Variants in DNAJC10 observed in about 807,000 individuals in gnomAD.
DNAJC10 encodes endoplasmic reticulum disulfide reductase DNAJC10.
DNAJC10 carries 101 observed loss-of-function variants against 115.0 expected under a neutral mutation model. The observed-to-expected ratio is 0.88, with a 90% CI of 0.75 to 1.04. The LOEUF (loss-of-function observed/expected upper bound fraction) is 1.04, where lower values mean the gene tolerates loss of function less well. DNAJC10 is among the 50% of genes least tolerant of loss of function. The pLI is 0.00. For synonymous variants in DNAJC10, 307 were observed against 301.5 expected (o/e 1.02, Z -0.19); for missense variants, 981 against 928.8 (o/e 1.06, Z -0.73).
At chr2:182,730,997 A>G in intron 8 of DNAJC10, 33 bp from the exon 9 acceptor site, 1 of 1,485,934 alleles carries the variant, frequency 6.7e-7, no homozygotes, top group South Asian at 1.2e-5. Context: ...GTAATAGGTG[A>G]TCAGAATTTG....
At chr2:182,724,615 GA>G (rs1162395653) in intron 5 of DNAJC10, among the ~76,000 whole-genome samples, 3 of 152,086 alleles carry the variant, frequency 2.0e-5, no homozygotes, top group Non-Finnish European at 4.4e-5. Context: ...GACCTGTGGG[GA>G]AAAAGTTAAT....
At chr2:182,731,717 C>T (rs1367911582) in intron 9 of DNAJC10, among the ~76,000 whole-genome samples, 1 of 152,168 alleles carries the variant, frequency 6.6e-6, no homozygotes, top group Non-Finnish European at 1.5e-5. Flanking sequence ...AGTCTTCTCC[C>T]CACATTTCAT....
chr2:182,771,928 A>G (rs1381426510), intron 22 of DNAJC10, among the ~76,000 whole-genome samples: 1 of 152,082 alleles, frequency 6.6e-6, no homozygotes, highest in Non-Finnish European at 1.5e-5. Context: ...TCAATTTTAG[A>G]TCTTTCCTCA....
At position 182,788,708 on chromosome 2, in the gene DNAJC10, T is replaced by TA; in HGVS notation, c.*11576_*11577insA. 2.4e-6 allele frequency: 1 copy of TA among 421,628 alleles called. No individual in the cohort carries two copies. Among genetic ancestry groups the TA allele is most frequent in the Admixed American group, 2.9e-5 (1 of 34,196 alleles). 26.1% of individuals were successfully genotyped at this position (421,628 alleles called of 1,614,324 possible). A position where few individuals can be genotyped will look rare whatever the true frequency, so the allele number is the denominator to read the frequency against. On this transcript the variant is annotated 3_prime_UTR_variant, in exon 24 of 24. Coordinates refer to ENST00000264065, the MANE Select transcript of DNAJC10 (RefSeq NM_018981.4). ...ATCCCACAGCACAAGTAACGTCTAT[T>TA]TATCTCAGAGGAAATCCAGGGAAGT...
At chr2:182,766,214 C>T (rs1181897498) in intron 22 of DNAJC10, among the ~76,000 whole-genome samples, 1 of 152,118 alleles carries the variant, frequency 6.6e-6, no homozygotes, top group Non-Finnish European at 1.5e-5. Flanking sequence ...TGAAAAAAAT[C>T]ATGATCAGCT....
chr2:182,728,268 A>G lies in DNAJC10; in HGVS notation c.419-308A>G, dbSNP rs535246054. On this transcript the variant is annotated intron_variant, in intron 5 of 23. Transcript: ENST00000264065. ...ATTTCTTGTGCCGTCACTTTTTACA[A>G]CTTTATGGCCATATTTATCTTGCAG... 1.6e-3 allele frequency among the ~76,000 whole-genome samples: 247 copies of G among 152,068 alleles called. 1 individual carries two copies. Among genetic ancestry groups the G allele is most frequent in the Non-Finnish European group, 3.1e-3 (211 of 67,970 alleles).
At chr2:182,745,169 C>T (rs769189910) in intron 14 of DNAJC10, among the ~76,000 whole-genome samples, 5 of 152,212 alleles carry the variant, frequency 3.3e-5, no homozygotes, top group Non-Finnish European at 7.3e-5. Flanking sequence ...GCTCACTGCT[C>T]TATCTCCAGC....
chr2:182,719,304 G>A (rs1349009413), intron 3 of DNAJC10, among the ~76,000 whole-genome samples: 3 of 138,028 alleles, frequency 2.2e-5, no homozygotes. Context: ...TGCCCAGACT[G>A]GAGTGCAGTG....
intron 16 of DNAJC10, among the ~76,000 whole-genome samples, chr2:182,753,828 C>T (rs535458839): frequency 6.6e-6 from 1 of 152,198 alleles, no homozygotes; most frequent in Admixed American, 6.5e-5. Flanking sequence ...GTGATCCTCC[C>T]ACCTCGGCCT....
At chr2:182,739,074 T>C (rs1693660951) in intron 11 of DNAJC10, among the ~76,000 whole-genome samples, 2 of 151,442 alleles carry the variant, frequency 1.3e-5, no homozygotes, top group Non-Finnish European at 1.5e-5. Context: ...GTGAATAAGA[T>C]GTAGAACTGA....
rs1006768872 is a variant in DNAJC10 at position 182,785,472 on chromosome 2, T to C, written c.*8340T>C. 6.6e-6 allele frequency: 1 copy of C among 152,144 alleles called. No homozygotes were observed. The highest frequency in any genetic ancestry group is 1.5e-5 in the Non-Finnish European group (1 of 68,006). 9.4% of individuals were successfully genotyped at this position (152,144 alleles called of 1,614,324 possible). On this transcript the variant is annotated 3_prime_UTR_variant, in exon 24 of 24. Coordinates refer to ENST00000264065, the MANE Select transcript of DNAJC10 (RefSeq NM_018981.4). ...GAGTTTGGAAAAATTGCTTACTTCA[T>C]ATCTGTATCCTAATTATCCTAATTA... is the stretch of plus-strand genomic sequence containing the variant.
rs764589408 is a variant in DNAJC10 at position 182,736,296 on chromosome 2, C to T, written c.897C>T (p.Asn299=). The part of the protein sequence containing the change: ...VGWMDCATQD[N]LCKSLDITTS... ...GGATGGACTGTGCCACCCAGGATAACCTTTGTAAAAGCTTAGATATTACAA... is the reference window on the plus strand; with the variant it reads ...GGATGGACTGTGCCACCCAGGATAATCTTTGTAAAAGCTTAGATATTACAA... Residue 299 remains asparagine (N), a synonymous_variant, in exon 11 of 24, where the codon AAC becomes AAT. Transcript: ENST00000264065. 1.2e-5 allele frequency: 19 copies of T among 1,594,076 alleles called. No homozygotes were observed. Among genetic ancestry groups the T allele is most frequent in the Non-Finnish European group, 1.5e-5 (18 of 1,172,770 alleles).
chr2:182,755,745 A>G (rs973726044), intron 17 of DNAJC10, among the ~76,000 whole-genome samples: 1 of 152,190 alleles, frequency 6.6e-6, no homozygotes, highest in Admixed American at 6.5e-5. Flanking sequence ...TAGGCTTTCC[A>G]CTAGTAATTA....
chr2:182,749,981 G>A (rs1693974561), intron 14 of DNAJC10, among the ~76,000 whole-genome samples: 1 of 152,180 alleles, frequency 6.6e-6, no homozygotes, highest in Non-Finnish European at 1.5e-5. Context: ...CTCACTGGCT[G>A]TTGGCAGAGG....
At position 182,784,497 on chromosome 2, in the gene DNAJC10, AGTGT is replaced by A; in HGVS notation, c.*7368_*7371del. 1 of 152,282 alleles carries A rather than the reference AGTGT, an allele frequency of 6.6e-6. No individual in the cohort carries two copies. Among genetic ancestry groups the A allele is most frequent in the East Asian group, 1.9e-4 (1 of 5,184 alleles). The allele number at this position is 152,282 out of a possible 1,614,324, so 9.4% of individuals were successfully genotyped here. On this transcript the variant is annotated 3_prime_UTR_variant, in exon 24 of 24. Transcript: ENST00000264065. ...GCACATTGTTGACCCGTAGAAGCACAGTGTGTATTTCAATTGACAAACAGCCAGA... is the reference window on the plus strand; with the variant it reads ...GCACATTGTTGACCCGTAGAAGCACAGTATTTCAATTGACAAACAGCCAGA...
intron 3 of DNAJC10, among the ~76,000 whole-genome samples, chr2:182,719,571 T>C (rs1244072980): frequency 6.6e-6 from 1 of 152,064 alleles, no homozygotes. Flanking sequence ...TGTAATTAGC[T>C]GATAGATTGG....
In DNAJC10 at chr2:182,752,582, A is replaced by G. The variant is rs959123218; in HGVS notation, c.1551+394A>G. The G allele has an allele frequency of 6.4e-6, 6 of 944,592 alleles. No individual in the cohort carries two copies. In the African/African-American group the frequency reaches 1.1e-4, roughly 17 times the overall value. The allele number at this position is 944,592 out of a possible 1,614,324, so 58.5% of individuals were successfully genotyped here. On this transcript the variant is annotated intron_variant, in intron 16 of 23. Coordinates refer to ENST00000264065, the MANE Select transcript of DNAJC10 (RefSeq NM_018981.4). The stretch of plus-strand genomic sequence containing the variant: ...CTGGAAAGAAGTTAAAACAATGAAC[A>G]AGCCTTTTGAAATCTTTGTTTAAAT...
rs1695088115 is a variant in DNAJC10 at position 182,793,464 on chromosome 2, A to G, written c.*16332A>G. ...GTGAAGAACAATTCATCCATCAGGCAGCACTGAGAACCAGAAGACATTCAG... is the reference window on the plus strand; with the variant it reads ...GTGAAGAACAATTCATCCATCAGGCGGCACTGAGAACCAGAAGACATTCAG... On this transcript the variant is annotated 3_prime_UTR_variant, in exon 24 of 24. Coordinates refer to ENST00000264065, the MANE Select transcript of DNAJC10 (RefSeq NM_018981.4). 1 of 152,190 alleles carries G rather than the reference A, an allele frequency of 6.6e-6. No homozygotes were observed. 9.4% of individuals were successfully genotyped at this position (152,190 alleles called of 1,614,324 possible).
In DNAJC10 at chr2:182,751,711, C is replaced by T. The variant is rs199796017; in HGVS notation, c.1360C>T (p.His454Tyr). Reference sequence around the variant, plus strand: ...CTTTGCCAAAGAAAGTGTGAATTCTCATGTTACCACGCTTGGACCTCAAAA... The same window carrying T: ...CTTTGCCAAAGAAAGTGTGAATTCTTATGTTACCACGCTTGGACCTCAAAA... ...LAFAKESVNS[H>Y]VTTLGPQNFP... Residue 454 changes from histidine to tyrosine, a missense_variant, in exon 15 of 24, where the codon CAT becomes TAT. His to Tyr is a moderately conservative substitution (Grantham distance 83, BLOSUM62 2). Coordinates refer to ENST00000264065, the MANE Select transcript of DNAJC10 (RefSeq NM_018981.4). 6 of 1,613,832 alleles carry T rather than the reference C, an allele frequency of 3.7e-6. No individual in the cohort carries two copies. Among genetic ancestry groups the T allele is most frequent in the South Asian group, 1.1e-5 (1 of 91,078 alleles).
Sources: gnomAD v4.1 joint callset for allele counts (sites outside exome capture counted in the v4.1 genomes callset) on GRCh38, gnomAD v4.1.1 for gene constraint, MANE v1.5 for transcripts, NCBI Gene and HGNC (gene_info 2026-07-23, HGNC 2026-07-21) for gene names.